Variants in THRA observed in about 807,000 individuals in gnomAD.
The protein encoded by THRA is thyroid hormone receptor alpha, also known as EAR-7.
THRA carries 13 observed loss-of-function variants against 45.0 expected under a neutral mutation model. The observed-to-expected ratio is 0.29, with a 90% CI of 0.19 to 0.46. THRA has a LOEUF of 0.46. THRA is among the 20% of genes least tolerant of loss of function. The pLI is 1.00. For synonymous variants in THRA, 195 were observed against 214.0 expected, an observed-to-expected ratio of 0.91 and a Z score of 0.78; for missense variants, 278 against 556.1, an observed-to-expected ratio of 0.50 and a Z score of 5.03.
intron 6 of THRA, among the ~76,000 whole-genome samples, chr17:40,085,609 C>T (rs1987294466): frequency 6.6e-6 from 1 of 151,508 alleles, no homozygotes. Flanking sequence ...GCTGTGATTA[C>T]AAGATGTGAG....
rs187265009 is a variant in THRA, at chr17:40,086,367, C to G, written c.577-340C>G. Among the ~76,000 whole-genome samples the G allele has an allele frequency of 5.4e-4, 82 of 152,332 alleles. 1 individual carries two copies. Among genetic ancestry groups the G allele is most frequent in the Admixed American group, 5.0e-3 (76 of 15,306 alleles). On this transcript the variant is annotated intron_variant, in intron 6 of 8. Coordinates refer to ENST00000450525, the MANE Select transcript of THRA (RefSeq NM_199334.5). ...TAGCTGCCCCATGCCTCAGTTTCCA[C>G]ATCTGTGAAATGGTGATTATTATAA...
intron 1 of THRA, among the ~76,000 whole-genome samples, chr17:40,070,314 T>C (rs1016658652): frequency 1.3e-5 from 2 of 152,086 alleles, no homozygotes; most frequent in African/African-American, 4.8e-5. Flanking sequence ...TCACTCCTCC[T>C]CTCCTTCCTG....
intron 4 of THRA, among the ~76,000 whole-genome samples, chr17:40,082,037 T>C (rs1987154870): frequency 6.6e-6 from 1 of 152,082 alleles, no homozygotes; most frequent in African/African-American, 2.4e-5. Flanking sequence ...AATTTTTCTC[T>C]TCCCCTACTA....
At chr17:40,071,518 A>C (rs1986775232) in intron 1 of THRA, among the ~76,000 whole-genome samples, 1 of 152,142 alleles carries the variant, frequency 6.6e-6, no homozygotes, top group Non-Finnish European at 1.5e-5. Context: ...CTTATCTCAC[A>C]AGGAGGGAGT....
At chr17:40,065,863 G>A (rs994777757) in intron 1 of THRA, among the ~76,000 whole-genome samples, 2 of 152,154 alleles carry the variant, frequency 1.3e-5, no homozygotes, top group Non-Finnish European at 2.9e-5. Context: ...GGTGCAGGCT[G>A]CAGCCAGCTA....
chr17:40,069,218 T>A (rs978380712), intron 1 of THRA, among the ~76,000 whole-genome samples: 1 of 146,644 alleles, frequency 6.8e-6, no homozygotes, highest in Non-Finnish European at 1.5e-5. Context: ...TCAATCTTTC[T>A]CTCTTCCCTC....
In THRA at chr17:40,089,125, T is replaced by C; in HGVS notation, c.983-81T>C. The C allele has an allele frequency of 3.5e-6, 5 of 1,414,122 alleles. No homozygotes were observed. Among genetic ancestry groups the C allele is most frequent in the Non-Finnish European group, 4.9e-6 (5 of 1,022,732 alleles). The allele number at this position is 1,414,122 out of a possible 1,614,324, so 87.6% of individuals were successfully genotyped here. ...CTCTATCTCCCCTCTAGTCCTTTCT[T>C]CCCACGTCCCCACACCTCACCCTCC... is the stretch of plus-strand genomic sequence containing the variant. On this transcript the variant is annotated intron_variant, in intron 8 of 8. Transcript: ENST00000450525. The surrounding 1 kb of genome is among the most constrained non-coding windows in gnomAD (Gnocchi z 6.1).
At chr17:40,087,170 A>T (rs1354364676) in intron 7 of THRA, among the ~76,000 whole-genome samples, 3 of 150,768 alleles carry the variant, frequency 2.0e-5, no homozygotes, top group Non-Finnish European at 3.0e-5. Flanking sequence ...ACACAGATAC[A>T]TAGAAACACA....
intron 4 of THRA, among the ~76,000 whole-genome samples, chr17:40,080,420 A>AC (rs1987097752): frequency 6.6e-6 from 1 of 150,502 alleles, no homozygotes; most frequent in Non-Finnish European, 1.5e-5. Flanking sequence ...CAAAAAACAA[A>AC]CAAAAAAAAA....
chr17:40,083,743 T>G, intron 4 of THRA, 92 bp from the exon 5 acceptor site: 1 of 1,467,112 alleles, frequency 6.8e-7, no homozygotes, highest in Non-Finnish European at 9.1e-7. Flanking sequence ...CCTTCCTTGC[T>G]CTCCACCCCT....
intron 4 of THRA, 124 bp downstream of exon 4, chr17:40,077,732 T>G: frequency 1.4e-6 from 1 of 736,484 alleles, no homozygotes; most frequent in Non-Finnish European, 2.2e-6. Flanking sequence ...AGTCTCACTC[T>G]TGTCCCCCAG....
chr17:40,093,796 G>C (rs1317538671), downstream of THRA: 28 of 870,804 alleles, frequency 3.2e-5, no homozygotes, highest in Admixed American at 2.0e-4. The surrounding 1 kb of genome is among the most constrained non-coding windows in gnomAD (Gnocchi z 5.9). Flanking sequence ...TCTGAATCAT[G>C]TCTGTATCCC....
chr17:40,068,936 T>C, intron 1 of THRA: 1 of 152,736 alleles, frequency 6.5e-6, no homozygotes. Context: ...TTTTTGTGCA[T>C]GTGTGGGCTG....
Position 40,067,888 on chromosome 17 carries a change from C to T in THRA, c.-298+4796C>T, listed in dbSNP as rs146405069. ...TTAAAAAGTTAGCCAGGTGTGGTGGCGCATGCCTGTGTTACCAGCTACTTG... is the reference window on the plus strand; with the variant it reads ...TTAAAAAGTTAGCCAGGTGTGGTGGTGCATGCCTGTGTTACCAGCTACTTG... On this transcript the variant is annotated intron_variant, in intron 1 of 8. Coordinates refer to ENST00000450525, the MANE Select transcript of THRA (RefSeq NM_199334.5). Among the ~76,000 whole-genome samples the T allele has an allele frequency of 2.0e-3, 297 of 152,190 alleles. 2 individuals carry two copies. The highest frequency in any genetic ancestry group is 6.8e-3 in the African/African-American group (281 of 41,520).
At chr17:40,087,930 G>T (rs1165188062) in intron 7 of THRA, among the ~76,000 whole-genome samples, 4 of 152,122 alleles carry the variant, frequency 2.6e-5, no homozygotes, top group Non-Finnish European at 5.9e-5. Flanking sequence ...AACTAATTTT[G>T]TATTTTTAGT....
chr17:40,077,001 C>T, intron 3 of THRA, 63 bp downstream of exon 3: 3 of 1,515,268 alleles, frequency 2.0e-6, no homozygotes, highest in Non-Finnish European at 2.7e-6. Context: ...AGCCAGGGCT[C>T]CTCTGGACCT....
Position 40,092,949 on chromosome 17 carries a change from G to C in THRA, c.*3493G>C. ...TTACAAGAAGGCTCAGGGGGCCAGAGGCTCATCTTGGAATATTTTATAACA... is the reference window on the plus strand; with the variant it reads ...TTACAAGAAGGCTCAGGGGGCCAGACGCTCATCTTGGAATATTTTATAACA... On this transcript the variant is annotated 3_prime_UTR_variant, in exon 9 of 9. Coordinates refer to ENST00000450525, the MANE Select transcript of THRA (RefSeq NM_199334.5). The C allele has an allele frequency of 6.5e-7, 1 of 1,549,682 alleles. No individual in the cohort carries two copies. The highest frequency in any genetic ancestry group is 8.7e-7 in the Non-Finnish European group (1 of 1,146,638).
chr17:40,082,969 C>G (rs1757948618), intron 4 of THRA, among the ~76,000 whole-genome samples: 2 of 149,740 alleles, frequency 1.3e-5, no homozygotes, highest in Admixed American at 1.3e-4. Context: ...GCTCTGTCAC[C>G]CAGCCTGGAG....
At chr17:40,068,490 G>C (rs1986650909) in intron 1 of THRA, among the ~76,000 whole-genome samples, 1 of 152,244 alleles carries the variant, frequency 6.6e-6, no homozygotes, top group Non-Finnish European at 1.5e-5. Context: ...GTGTCACTTG[G>C]CAGGCCAAAG....
Sources: allele counts gnomAD v4.1 joint callset (sites outside exome capture counted in the v4.1 genomes callset), GRCh38; gene constraint gnomAD v4.1.1; non-coding constraint Gnocchi (gnomAD v3.1); transcripts MANE v1.5; gene names NCBI Gene and HGNC (gene_info 2026-07-23, HGNC 2026-07-21).